UCHL3: variants seen among roughly 807,000 people sequenced by gnomAD.
The protein encoded by UCHL3 is ubiquitin carboxyl-terminal hydrolase isozyme L3.
In UCHL3, 22 loss-of-function variants were observed where a neutral mutation model predicts 35.8. That is an observed-to-expected ratio of 0.61 (90% CI 0.44 to 0.88). The LOEUF (loss-of-function observed/expected upper bound fraction) is 0.88, where lower values mean the gene tolerates loss of function less well. Among genes scored for constraint, UCHL3 ranks in the 40% least tolerant of loss-of-function variants. UCHL3 has a pLI of 0.00. For missense variants in UCHL3, 229 were observed against 276.9 expected (o/e 0.83, Z 1.23); for synonymous variants, 90 against 92.8 (o/e 0.97, Z 0.17).
At chr13:75,566,670 AC>A in intron 3 of UCHL3, 24 bp from the exon 4 acceptor site, 1 of 1,264,134 alleles carries the variant, frequency 7.9e-7, no homozygotes, top group Middle Eastern at 2.0e-4. Context: ...CCACAAATAC[AC>A]TGTTGACTTT....
At position 75,568,403 on chromosome 13, in the gene UCHL3, CATAAAA is replaced by C. The variant is rs759928758; in HGVS notation, c.427-1051_427-1046del. Among the ~76,000 whole-genome samples, 57 of 151,136 alleles carry C rather than the reference CATAAAA, an allele frequency of 3.8e-4. 1 individual carries two copies. The highest frequency in any genetic ancestry group is 7.7e-4 in the Non-Finnish European group (52 of 67,702). ...GACTTCATAAAACATCTTTATTATACATAAAAATAAACATGAAAATCAGTACTCTTA... is the reference window on the plus strand; with the variant it reads ...GACTTCATAAAACATCTTTATTATACATAAACATGAAAATCAGTACTCTTA... On this transcript the variant is annotated intron_variant, in intron 5 of 8. Coordinates refer to ENST00000377595, the MANE Select transcript of UCHL3 (RefSeq NM_006002.5).
At chr13:75,557,948 G>T (rs561502180) in intron 2 of UCHL3, among the ~76,000 whole-genome samples, 2 of 142,542 alleles carry the variant, frequency 1.4e-5, no homozygotes, top group Non-Finnish European at 1.5e-5. Flanking sequence ...TGTAAAAGTA[G>T]GACATTTTAA....
At chr13:75,565,247 C>G (rs2138486169) in intron 3 of UCHL3, among the ~76,000 whole-genome samples, 1 of 152,274 alleles carries the variant, frequency 6.6e-6, no homozygotes, top group South Asian at 2.1e-4. Flanking sequence ...TAACAACAGA[C>G]TAAGCTGTAG....
chr13:75,555,129 G>A (rs956430276), intron 2 of UCHL3, among the ~76,000 whole-genome samples: 7 of 152,170 alleles, frequency 4.6e-5, no homozygotes, highest in African/African-American at 1.4e-4. Context: ...TTCGAATGTG[G>A]AGTCTGTTCC....
chr13:75,550,830 T>A (rs1429921002), intron 2 of UCHL3, among the ~76,000 whole-genome samples: 2 of 151,660 alleles, frequency 1.3e-5, no homozygotes, highest in African/African-American at 4.8e-5. Flanking sequence ...AAGGAACAAT[T>A]CACCGTGTTC....
intron 3 of UCHL3, 96 bp downstream of exon 3, chr13:75,560,977 C>G: frequency 8.5e-7 from 1 of 1,183,068 alleles, no homozygotes; most frequent in Non-Finnish European, 1.1e-6. Flanking sequence ...GTTGCCTAGG[C>G]TGGAGTGCAG....
At chr13:75,605,224 A>G (rs1017892875) in intron 8 of UCHL3, among the ~76,000 whole-genome samples, 1 of 152,184 alleles carries the variant, frequency 6.6e-6, no homozygotes, top group African/African-American at 2.4e-5. Flanking sequence ...AAGAACACTT[A>G]CGGCCAGGCG....
chr13:75,562,385 G>T (rs933622721), intron 3 of UCHL3, among the ~76,000 whole-genome samples: 1 of 152,034 alleles, frequency 6.6e-6, no homozygotes, highest in Admixed American at 6.6e-5. Context: ...CAATGGTAAG[G>T]TTATGATTAC....
chr13:75,555,702 T>A (rs991274972), intron 2 of UCHL3, among the ~76,000 whole-genome samples: 3 of 152,166 alleles, frequency 2.0e-5, no homozygotes, highest in Admixed American at 6.5e-5. Flanking sequence ...TGTCTATCAT[T>A]CTCATTGAAA....
intron 6 of UCHL3, among the ~76,000 whole-genome samples, chr13:75,582,007 G>A (rs990998987): frequency 2.6e-5 from 4 of 152,276 alleles, no homozygotes; most frequent in Middle Eastern, 3.4e-3. Context: ...GTTGATGGGC[G>A]AGTGACCTTG....
At chr13:75,561,401 GT>G (rs2031490592) in intron 3 of UCHL3, among the ~76,000 whole-genome samples, 1 of 152,014 alleles carries the variant, frequency 6.6e-6, no homozygotes. Flanking sequence ...AAAGTCCTAG[GT>G]TAGTGCTTTA....
In UCHL3 at chr13:75,567,293, G is replaced by A. The variant is rs1381452572; in HGVS notation, c.407G>A (p.Arg136Lys). 1 of 1,614,194 alleles carries A rather than the reference G, an allele frequency of 6.2e-7. No individual in the cohort carries two copies. ...TCAATGAGCCCTGAAGAACGAGCCA[G>A]ATACCTGGAGAACTATGATGTCGGT... ...SVSMSPEERA[R>K]YLENYDAIRV... Residue 136 changes from arginine to lysine, a missense_variant, in exon 5 of 9, where the codon AGA becomes AAA. By Grantham distance (26) the Arg-to-Lys change is conservative. Transcript: ENST00000377595.
chr13:75,595,591 C>A (rs570159069), intron 7 of UCHL3, among the ~76,000 whole-genome samples: 13 of 69,560 alleles, frequency 1.9e-4, no homozygotes, highest in Non-Finnish European at 2.9e-4. Flanking sequence ...GAGTGATACT[C>A]CATCTCAAAA....
chr13:75,566,910 A>T (rs1384114020), intron 4 of UCHL3, 59 bp downstream of exon 4: 22 of 1,510,748 alleles, frequency 1.5e-5, no homozygotes, highest in Non-Finnish European at 1.9e-5. Flanking sequence ...AATTGCATTG[A>T]GCAGTAGGTG....
chr13:75,573,266 GAA>G (rs59697323), intron 6 of UCHL3, among the ~76,000 whole-genome samples: 3,328 of 129,344 alleles, frequency 0.026, 53 homozygotes, highest in Non-Finnish European at 0.034. Context: ...CTCTGTCTCA[GAA>G]AAAAAAAAAA....
chr13:75,556,517 G>A (rs2031297378), intron 2 of UCHL3, among the ~76,000 whole-genome samples: 1 of 152,052 alleles, frequency 6.6e-6, no homozygotes, highest in African/African-American at 2.4e-5. Flanking sequence ...CAGAGGAAGT[G>A]GCTTTAAGAA....
At chr13:75,592,431 T>TATACGTATATAC (rs1566227922) in intron 6 of UCHL3, among the ~76,000 whole-genome samples, 4 of 89,734 alleles carry the variant, frequency 4.5e-5, no homozygotes, top group African/African-American at 8.8e-5. Flanking sequence ...TATATATATA[T>TATACGTATATAC]ATATATATAT....
chr13:75,557,519 A>G (rs184204358), intron 2 of UCHL3, among the ~76,000 whole-genome samples: 38 of 152,298 alleles, frequency 2.5e-4, no homozygotes, highest in Non-Finnish European at 4.1e-4. Flanking sequence ...TTATTACTCA[A>G]TATTTAAGTT....
intron 3 of UCHL3, among the ~76,000 whole-genome samples, chr13:75,561,868 C>T (rs2031526066): frequency 2.0e-5 from 2 of 102,538 alleles, no homozygotes; most frequent in South Asian, 3.0e-4. Flanking sequence ...TACATATATA[C>T]ATACGTATAT....
Sources: gnomAD v4.1 joint callset for allele counts (sites outside exome capture counted in the v4.1 genomes callset) on GRCh38, gnomAD v4.1.1 for gene constraint, MANE v1.5 for transcripts, NCBI Gene and HGNC (gene_info 2026-07-23, HGNC 2026-07-21) for gene names.